TJAP1: variants seen among roughly 807,000 people sequenced by gnomAD.
The protein encoded by TJAP1 is tight junction-associated protein 1.
TJAP1 carries 27 observed loss-of-function variants against 42.0 expected under a neutral mutation model. The ratio of observed to expected loss-of-function variants is 0.64; its 90% CI spans 0.47 to 0.89. The LOEUF is 0.89. Ranked by LOEUF, TJAP1 falls within the 40% of genes least tolerant of loss-of-function variation. The probability of loss-of-function intolerance (pLI) is 0.00; values close to 1 mark genes in which losing one functional copy is unlikely to be tolerated. For missense variants in TJAP1, 712 were observed against 726.9 expected (o/e 0.98, Z 0.24); for synonymous variants, 257 against 288.4 (o/e 0.89, Z 1.10).
intron 6 of TJAP1, 71 bp downstream of exon 6, chr6:43,501,758 A>ACACACACACACTCT (rs1423256237): frequency 3.1e-4 from 153 of 493,500 alleles, no homozygotes; most frequent in Middle Eastern, 5.2e-4. Context: ...ACACACACAC[A>ACACACACACACTCT]CTCTCTCTGT....
intron 2 of TJAP1, among the ~76,000 whole-genome samples, chr6:43,484,120 A>C (rs1306907069): frequency 1.3e-5 from 2 of 151,506 alleles, no homozygotes; most frequent in African/African-American, 4.8e-5. Context: ...TCTTTTTTGC[A>C]GGAGTAATGA....
intron 2 of TJAP1, chr6:43,478,529 C>T (rs1784680443): frequency 6.6e-6 from 1 of 152,244 alleles, no homozygotes; most frequent in African/African-American, 2.4e-5. Context: ...CCTACATGCT[C>T]ATTGTTTCTG....
intron 3 of TJAP1, 44 bp from the exon 4 acceptor site, chr6:43,498,931 CCTT>C (rs1487246787): frequency 1.9e-6 from 3 of 1,587,872 alleles, no homozygotes; most frequent in East Asian, 2.2e-5. Flanking sequence ...AGTCCAGAGT[CCTT>C]CTGGCCACAT....
At chr6:43,484,469 TATAA>T (rs570091033) in intron 2 of TJAP1, among the ~76,000 whole-genome samples, 102 of 152,220 alleles carry the variant, frequency 6.7e-4, no homozygotes, top group Admixed American at 1.4e-3. Context: ...CAAAAAAATA[TATAA>T]ATAAATAAAG....
In TJAP1 at chr6:43,503,806, C is replaced by T. The variant is rs532519023; in HGVS notation, c.579+100C>T. The T allele has an allele frequency of 3.0e-5, 32 of 1,079,092 alleles. No individual in the cohort carries two copies. In the South Asian group the frequency reaches 3.8e-4, roughly 13 times the overall value. 66.8% of individuals were successfully genotyped at this position (1,079,092 alleles called of 1,614,324 possible). A position where few individuals can be genotyped will look rare whatever the true frequency, so the allele number is the denominator to read the frequency against. The stretch of plus-strand genomic sequence containing the variant: ...TGCACCTCTCTCTGTCCTCCTCTTC[C>T]CACTTTGCCCTCCTCTTGCCTCCAT... On this transcript the variant is annotated intron_variant, in intron 10 of 10. Transcript: ENST00000372449.
In TJAP1 at chr6:43,498,958, T is replaced by G. The variant is rs1789873836; in HGVS notation, c.-24-20T>G. ...TTCTGGCCACATCTCTGAGCCTGCC[T>G]CCTTCTTGCTTCTCAGCAGGCGGAG... is the stretch of plus-strand genomic sequence containing the variant. On this transcript the variant is annotated intron_variant, in intron 3 of 10. Transcript: ENST00000372449. 2 of 1,608,644 alleles carry G rather than the reference T, an allele frequency of 1.2e-6. No individual in the cohort carries two copies. The highest frequency in any genetic ancestry group is 2.2e-5 in the South Asian group (2 of 90,664).
intron 10 of TJAP1, chr6:43,503,999 A>T (rs544955117): frequency 3.2e-6 from 2 of 623,054 alleles, no homozygotes; most frequent in Admixed American, 2.1e-5. Flanking sequence ...CCCAAAGAGT[A>T]CTAAGAGAGG....
At chr6:43,484,418 C>T (rs931711185) in intron 2 of TJAP1, among the ~76,000 whole-genome samples, 1 of 152,106 alleles carries the variant, frequency 6.6e-6, no homozygotes, top group Non-Finnish European at 1.5e-5. Context: ...GAGATCATGC[C>T]ACTGTACTCC....
At chr6:43,504,937 C>T (rs775996244) in exon 11 of TJAP1, 51 of 1,614,044 alleles carry the variant, frequency 3.2e-5, no homozygotes, top group South Asian at 8.8e-5. Flanking sequence ...CAGGCAGCGC[C>T]GGGCGCCCCT....
At chr6:43,484,582 G>C (rs942495893) in intron 2 of TJAP1, among the ~76,000 whole-genome samples, 5 of 152,214 alleles carry the variant, frequency 3.3e-5, no homozygotes, top group Non-Finnish European at 7.4e-5. Context: ...TAAGCCTTTT[G>C]ATTTCTGCCT....
intron 2 of TJAP1, among the ~76,000 whole-genome samples, chr6:43,496,447 A>G (rs1789174181): frequency 6.6e-6 from 1 of 152,196 alleles, no homozygotes; most frequent in Admixed American, 6.5e-5. Flanking sequence ...ATTCCTGTGC[A>G]GGGAGTCAGC....
chr6:43,504,700 T>G, intron 10 of TJAP1, 61 bp from the exon 11 acceptor site: 23 of 1,568,136 alleles, frequency 1.5e-5, no homozygotes, highest in South Asian at 2.4e-5. Context: ...ACTTTCGCCA[T>G]GAGTCAAGTT....
rs70990192 is a variant in TJAP1 at position 43,501,707 on chromosome 6, G to GACACACACACAC, written c.290+61_290+72dup. 194 of 571,790 alleles carry GACACACACACAC rather than the reference G, an allele frequency of 3.4e-4. 1 individual carries two copies. The highest frequency in any genetic ancestry group is 1.5e-3 in the South Asian group (85 of 55,400). The allele number at this position is 571,790 out of a possible 1,614,324, so 35.4% of individuals were successfully genotyped here. A position where few individuals can be genotyped will look rare whatever the true frequency, so the allele number is the denominator to read the frequency against. ...CCGCAGGTGTGGGAATGAGGGGCCA[G>GACACACACACAC]ACACACACACACACACACACACACA... On this transcript the variant is annotated intron_variant, in intron 6 of 10. Coordinates refer to ENST00000372449, the Ensembl canonical transcript of TJAP1.
rs1562256315 is a variant in TJAP1 at position 43,492,956 on chromosome 6, C to T, written c.-121-4925C>T. Among the ~76,000 whole-genome samples, 1 of 152,182 alleles carries T rather than the reference C, an allele frequency of 6.6e-6. No individual in the cohort carries two copies. Among genetic ancestry groups the T allele is most frequent in the Non-Finnish European group, 1.5e-5 (1 of 68,036 alleles). Reference sequence around the variant, plus strand: ...CAGGACAGTTCCTGAGGGGGAGGCCCCAGTCCCTGTGTGATCAGACATTTG... The same window carrying T: ...CAGGACAGTTCCTGAGGGGGAGGCCTCAGTCCCTGTGTGATCAGACATTTG... On this transcript the variant is annotated intron_variant, in intron 2 of 10. Coordinates refer to ENST00000372449, the Ensembl canonical transcript of TJAP1. This position sits in a 1 kb window ranked among gnomAD's most constrained non-coding sequence, Gnocchi z 4.2.
chr6:43,499,051 A>T (rs1460702560), exon 4 of TJAP1: 1 of 1,614,082 alleles, frequency 6.2e-7, no homozygotes, highest in South Asian at 1.1e-5. Context: ...GCACCACCAG[A>T]GCATCGGGAG....
rs892560282 is a variant in TJAP1 at position 43,503,483 on chromosome 6, C to A, written c.470C>A (p.Thr157Asn). 13 of 1,614,016 alleles carry A rather than the reference C, an allele frequency of 8.1e-6. No individual in the cohort carries two copies. In the Admixed American group the frequency reaches 2.2e-4, roughly 27 times the overall value. ...AACAAGCTGCTGGATGCCAAGAACA[C>A]CATCAACAAGCTGGAAGAGCTCAAT... is the stretch of plus-strand genomic sequence containing the variant. Residue 157 changes from threonine to asparagine, a missense_variant, in exon 9 of 11, where the codon ACC becomes AAC. Thr to Asn is a moderately conservative substitution (Grantham distance 65). Transcript: ENST00000372449.
chr6:43,498,866 C>A, intron 3 of TJAP1, 112 bp from the exon 4 acceptor site: 1 of 1,155,902 alleles, frequency 8.7e-7, no homozygotes, highest in Non-Finnish European at 1.2e-6. Flanking sequence ...CCAGGCCTGT[C>A]AGCCTATGTG....
At chr6:43,479,754 G>A (rs146906091) in intron 2 of TJAP1, among the ~76,000 whole-genome samples, 1 of 152,288 alleles carries the variant, frequency 6.6e-6, no homozygotes, top group African/African-American at 2.4e-5. Flanking sequence ...GGCGGATCAC[G>A]AGGTCAAGAG....
At position 43,505,264 on chromosome 6, in the gene TJAP1, C is replaced by G. The variant is rs1372035981; in HGVS notation, c.1083C>G (p.Ser361Arg). The change falls in exon 11 of 11, where the codon AGC (serine) becomes AGG (arginine). Residue 361 changes from serine (S) to arginine (R), a missense_variant. Coordinates refer to ENST00000372449, the Ensembl canonical transcript of TJAP1. This position sits in a 1 kb window ranked among gnomAD's most constrained non-coding sequence, Gnocchi z 5.5. ...CTACCCGCCAGGCCATTTCCCTGAG[C>G]CTGGTAGAGGAGGGGAGTGAGCGGG... The G allele has an allele frequency of 6.2e-7, 1 of 1,613,726 alleles. No homozygotes were observed. The highest frequency in any genetic ancestry group is 8.5e-7 in the Non-Finnish European group (1 of 1,179,926).
Sources: allele counts gnomAD v4.1 joint callset (sites outside exome capture counted in the v4.1 genomes callset), GRCh38; gene constraint gnomAD v4.1.1; non-coding constraint Gnocchi (gnomAD v3.1); transcripts MANE v1.5; gene names NCBI Gene and HGNC (gene_info 2026-07-23, HGNC 2026-07-21).